The following IQSEC2 variants were observed in gnomAD, a reference collection of about 807,000 sequenced individuals.
The protein encoded by IQSEC2 is IQ motif and Sec7 domain ArfGEF 2.
IQSEC2 carries 6 observed loss-of-function variants against 74.6 expected under a neutral mutation model. The observed-to-expected ratio is 0.08, with a 90% CI of 0.04 to 0.16. The LOEUF is 0.16. Among genes scored for constraint, IQSEC2 ranks in the 10% least tolerant of loss-of-function variants. IQSEC2 has a pLI of 1.00. For missense variants in IQSEC2, 734 were observed against 1,306.2 expected, an observed-to-expected ratio of 0.56 and a Z score of 6.75; for synonymous variants, 494 against 544.5, an observed-to-expected ratio of 0.91 and a Z score of 1.29.
At chrX:53,288,888 T>A (rs1049209703) in intron 2 of IQSEC2, among the ~76,000 whole-genome samples, 2 of 111,403 alleles carry the variant, frequency 1.8e-5, no homozygotes, top group Admixed American at 9.5e-5. Flanking sequence ...GCTTAAGGTA[T>A]CTTTAGGTCA....
Position 53,234,443 on chromosome X carries a change from A to G in IQSEC2, c.4243T>C (p.Tyr1415His). Reference sequence around the variant, plus strand: ...GACTGGGGGTGGTGGGGGTGGGAGTAGGAGCCCCCTGGTGGCCGGGATCCA... The same window carrying G: ...GACTGGGGGTGGTGGGGGTGGGAGTGGGAGCCCCCTGGTGGCCGGGATCCA... Reference protein sequence around the residue: ...GPGSRPPGGSYSHPHHPQSPL... With the variant: ...GPGSRPPGGSHSHPHHPQSPL... The change falls in exon 15 of 15, where the codon TAC (tyrosine) becomes CAC (histidine). Residue 1415 changes from tyrosine (Y) to histidine (H), a missense_variant. By Grantham distance (83) the Tyr-to-His change is moderately conservative (BLOSUM62 2). Coordinates refer to ENST00000642864, the MANE Select transcript of IQSEC2 (RefSeq NM_001111125.3). 3 of 1,061,686 alleles carry G rather than the reference A, an allele frequency of 2.8e-6. No individual in the cohort carries two copies. The highest frequency in any genetic ancestry group is 2.4e-6 in the Non-Finnish European group (2 of 820,302). The allele number at this position is 1,061,686 out of a possible 1,213,427, so 87.5% of individuals were successfully genotyped here. A position where few individuals can be genotyped will look rare whatever the true frequency, so the allele number is the denominator to read the frequency against.
intron 3 of IQSEC2, 85 bp downstream of exon 3, chrX:53,255,715 C>A (rs961351172): frequency 9.1e-7 from 1 of 1,097,681 alleles, no homozygotes; most frequent in Admixed American, 2.2e-5. Context: ...TCCCTGATAC[C>A]ACCCCCAAGA....
rs1384849843 is a variant in IQSEC2 at position 53,248,251 on chromosome X, A to G, written c.2460-15T>C. On this transcript the variant is annotated splice_polypyrimidine_tract_variant and intron_variant, in intron 6 of 14. Coordinates refer to ENST00000642864, the MANE Select transcript of IQSEC2 (RefSeq NM_001111125.3). ...CCACCACACAGCTAAGGAGCAAAGA[A>G]GGAGGTGTGGCGCTTTCAATTCCTC... 13 of 1,207,724 alleles carry G rather than the reference A, an allele frequency of 1.1e-5. No homozygotes were observed. The highest frequency in any genetic ancestry group is 1.5e-5 in the Non-Finnish European group (13 of 893,368).
intron 11 of IQSEC2, among the ~76,000 whole-genome samples, chrX:53,238,670 G>A (rs1556860271): frequency 9.2e-6 from 1 of 109,092 alleles, no homozygotes. Context: ...GAGCCACCAT[G>A]CCTAGCCCAT....
chrX:53,320,583 C>G lies in IQSEC2; in HGVS notation c.541G>C (p.Gly181Arg), dbSNP rs1233897072. 8.7e-7 allele frequency: 1 copy of G among 1,152,976 alleles called. No individual in the cohort carries two copies. Among genetic ancestry groups the G allele is most frequent in the Non-Finnish European group, 1.2e-6 (1 of 867,683 alleles). The change falls in exon 1 of 15, where the codon GGC becomes CGC. Residue 181 changes from glycine to arginine, a missense_variant. Gly to Arg is a moderately radical substitution (Grantham distance 125). Around this residue, in one of 12 missense-constraint regions of IQSEC2, gnomAD observed 134 missense variants for 214.9 expected, o/e 0.62. Transcript: ENST00000642864. ...GGREAGPAHP[G>R]REKEAGYSAA... ...GAATAGCCCGCTTCCTTCTCGCGGC[C>G]CGGGTGCGCCGGCCCGGCCTCCCGC... is the stretch of plus-strand genomic sequence containing the variant.
chrX:53,260,154 T>G (rs1267685361), intron 2 of IQSEC2, among the ~76,000 whole-genome samples: 5 of 111,527 alleles, frequency 4.5e-5, no homozygotes, highest in African/African-American at 1.6e-4. Flanking sequence ...TGCGAAAAGG[T>G]GCTGTTTGAG....
chrX:53,240,737 T>C (rs956758742), intron 10 of IQSEC2, among the ~76,000 whole-genome samples: 1 of 111,664 alleles, frequency 9.0e-6, no homozygotes, highest in African/African-American at 3.3e-5. Flanking sequence ...ACATCTCTAC[T>C]TGTAATGAGC....
At chrX:53,252,360 C>CA (rs1189847832) in intron 4 of IQSEC2, among the ~76,000 whole-genome samples, 300 of 62,508 alleles carry the variant, frequency 4.8e-3, no homozygotes, top group Non-Finnish European at 8.7e-3. Context: ...CACACCTGGC[C>CA]AAAAAAAATT....
chrX:53,234,137 A>G lies in IQSEC2; in HGVS notation c.*82T>C, dbSNP rs1164023249. The G allele has an allele frequency of 2.3e-5, 9 of 383,490 alleles. No homozygotes were observed. Among genetic ancestry groups the G allele is most frequent in the Non-Finnish European group, 3.9e-5 (9 of 231,132 alleles). 31.6% of individuals were successfully genotyped at this position (383,490 alleles called of 1,213,427 possible). On this transcript the variant is annotated 3_prime_UTR_variant, in exon 15 of 15. Transcript: ENST00000642864. ...TATGTGTATATATATTTTTGAAAAA[A>G]CCGAGGAAGCAAAGAGGGTGCAAGG... is the stretch of plus-strand genomic sequence containing the variant.
At chrX:53,280,149 C>T (rs1556870540) in intron 2 of IQSEC2, among the ~76,000 whole-genome samples, 1 of 94,465 alleles carries the variant, frequency 1.1e-5, no homozygotes, top group African/African-American at 4.0e-5. Context: ...GGAAGGGAGC[C>T]CTCCTCACAC....
intron 1 of IQSEC2, among the ~76,000 whole-genome samples, chrX:53,309,017 T>G (rs1362372638): frequency 9.3e-6 from 1 of 107,728 alleles, no homozygotes; most frequent in Non-Finnish European, 1.9e-5. Context: ...GGCAGGAAGA[T>G]TGCCTGAGTT....
chrX:53,277,682 T>A (rs2074857186), intron 2 of IQSEC2, among the ~76,000 whole-genome samples: 1 of 112,058 alleles, frequency 8.9e-6, no homozygotes, highest in Admixed American at 9.5e-5. Flanking sequence ...TTATTTTATT[T>A]TATTTTGAGA....
chrX:53,229,857 A>G (rs782260463), downstream of IQSEC2: 39 of 112,230 alleles, frequency 3.5e-4, no homozygotes, highest in African/African-American at 1.1e-3. Context: ...CTCATCCACT[A>G]CAACGGGGAA....
intron 1 of IQSEC2, among the ~76,000 whole-genome samples, chrX:53,297,681 A>G: frequency 9.0e-6 from 1 of 111,511 alleles, no homozygotes. Flanking sequence ...CAAATGATCA[A>G]TTCTCCCCAA....
intron 2 of IQSEC2, among the ~76,000 whole-genome samples, chrX:53,276,148 C>T (rs2074830182): frequency 8.9e-6 from 1 of 112,202 alleles, no homozygotes; most frequent in Admixed American, 9.4e-5. Flanking sequence ...AAATTAGGAA[C>T]AAAATGTCAT....
In IQSEC2 at chrX:53,320,630, G is replaced by A. The variant is rs2075421247; in HGVS notation, c.494C>T (p.Ala165Val). The change falls in exon 1 of 15, where the codon GCC becomes GTC. Residue 165 changes from alanine (A) to valine (V), a missense_variant. Ala to Val is a moderately conservative substitution (Grantham distance 64). This residue lies in a region of IQSEC2 where 134 missense variants were observed against 214.9 expected (regional missense o/e 0.62). Coordinates refer to ENST00000642864, the MANE Select transcript of IQSEC2 (RefSeq NM_001111125.3). ...AQCHLHHENPALGRERGGREA... is the reference protein window; with the variant it reads ...AQCHLHHENPVLGRERGGREA... The stretch of plus-strand genomic sequence containing the variant: ...CCGCCCGCCACGCTCGCGACCCAGG[G>A]CTGGGTTCTCGTGGTGCAGGTGGCA... The A allele has an allele frequency of 1.7e-6, 2 of 1,160,159 alleles. No individual in the cohort carries two copies. Among genetic ancestry groups the A allele is most frequent in the Non-Finnish European group, 2.3e-6 (2 of 870,053 alleles).
chrX:53,266,417 C>T, intron 2 of IQSEC2: 1 of 754,216 alleles, frequency 1.3e-6, no homozygotes, highest in Non-Finnish European at 1.6e-6. Context: ...ATTTACAGAG[C>T]ACTATGGGAG....
At chrX:53,270,380 G>A (rs994924831) in intron 2 of IQSEC2, among the ~76,000 whole-genome samples, 1 of 110,870 alleles carries the variant, frequency 9.0e-6, no homozygotes, top group African/African-American at 3.3e-5. Flanking sequence ...TGGTCTCCCT[G>A]CTGCTCCCCA....
chrX:53,286,994 A>T (rs2075039678), intron 2 of IQSEC2, among the ~76,000 whole-genome samples: 1 of 109,288 alleles, frequency 9.2e-6, no homozygotes, highest in Non-Finnish European at 1.9e-5. Context: ...AAAAGAGATG[A>T]CAGGGACCAG....
Sources: gnomAD v4.1 joint callset for allele counts (sites outside exome capture counted in the v4.1 genomes callset) on GRCh38, gnomAD v4.1.1 for gene constraint, gnomAD v4.1.1 regional missense constraint, MANE v1.5 for transcripts, NCBI Gene and HGNC (gene_info 2026-07-23, HGNC 2026-07-21) for gene names.